The following CLCN2 variants were observed in gnomAD, a reference collection of about 807,000 sequenced individuals.
CLCN2 encodes chloride channel protein 2.
A neutral mutation model predicts 108.3 loss-of-function variants in CLCN2; 72 were observed. That is an observed-to-expected ratio of 0.66 (90% CI 0.55 to 0.81). The LOEUF (loss-of-function observed/expected upper bound fraction) is 0.81. CLCN2 is among the 30% of genes least tolerant of loss of function. The pLI is 0.00. For missense variants in CLCN2, 1,048 were observed against 1,205.2 expected (o/e 0.87, Z 1.93); for synonymous variants, 471 against 467.1 (o/e 1.01, Z -0.11).
At chr3:184,347,409 G>A in intron 22 of CLCN2, 2 of 350,258 alleles carry the variant, frequency 5.7e-6, no homozygotes, top group Non-Finnish European at 1.1e-5. Flanking sequence ...TGAGAACTAA[G>A]CATTAGGAGA....
Position 184,352,278 on chromosome 3 carries a change from C to T in CLCN2, c.2310+15G>A, listed in dbSNP as rs528699002. On this transcript the variant is annotated intron_variant, in intron 21 of 23. Coordinates refer to ENST00000265593, the MANE Select transcript of CLCN2 (RefSeq NM_004366.6). The stretch of plus-strand genomic sequence containing the variant: ...ACCAGGAAGAAACAGGGTCCAGAGT[C>T]CAGTGGCACCTTACCTCTTCAGGGC... 6.2e-6 allele frequency: 10 copies of T among 1,613,458 alleles called. No homozygotes were observed. The African/African-American group carries it at 1.2e-4, about 19-fold the overall frequency.
At chr3:184,358,540 G>T in intron 3 of CLCN2, 142 bp downstream of exon 3, 2 of 1,220,722 alleles carry the variant, frequency 1.6e-6, no homozygotes, top group Non-Finnish European at 1.2e-6. Context: ...CCGAGATGAT[G>T]CCTGAATCTG....
rs1471164411 is a variant in CLCN2, at chr3:184,355,510, A to G, written c.1190T>C (p.Leu397Pro). 6.2e-7 allele frequency: 1 copy of G among 1,614,144 alleles called. No individual in the cohort carries two copies. Among genetic ancestry groups the G allele is most frequent in the Admixed American group, 1.7e-5 (1 of 60,028 alleles). ...CGTCCGATTGTCAAACAGGGTGACC[A>G]GCGTCTCTTTCTGTGAGAGCTAGAG... ...MAGQLSQKET[L>P]VTLFDNRTWV... The change falls in exon 12 of 24, where the codon CTG (leucine) becomes CCG (proline). Residue 397 changes from leucine to proline, a missense_variant. Transcript: ENST00000265593. The surrounding 1 kb of genome is among the most constrained non-coding windows in gnomAD (Gnocchi z 6.3).
At position 184,358,958 on chromosome 3, in the gene CLCN2, C is replaced by T. The variant is rs780921084; in HGVS notation, c.220+17G>A. The T allele has an allele frequency of 1.7e-5, 27 of 1,613,462 alleles. No homozygotes were observed. The highest frequency in any genetic ancestry group is 5.3e-5 in the African/African-American group (4 of 74,940). On this transcript the variant is annotated intron_variant, in intron 2 of 23. Coordinates refer to ENST00000265593, the MANE Select transcript of CLCN2 (RefSeq NM_004366.6). The stretch of plus-strand genomic sequence containing the variant: ...GCACAGCACAGCCAGGTCCCCTGCC[C>T]CCACCCCAGTTCTCACCGCGGCATC...
At chr3:184,354,407 G>T in intron 14 of CLCN2, 93 bp from the exon 15 acceptor site, 1 of 1,379,246 alleles carries the variant, frequency 7.3e-7, no homozygotes, top group Non-Finnish European at 1.0e-6. Flanking sequence ...CCTCAGGGCT[G>T]CCCAATACAG....
At chr3:184,354,749 G>A (rs1728410396) in intron 13 of CLCN2, 91 bp from the exon 14 acceptor site, 1 of 1,306,612 alleles carries the variant, frequency 7.7e-7, no homozygotes, top group African/African-American at 1.5e-5. Flanking sequence ...TGAGGGAGGG[G>A]CCAACGGGTC....
rs1305533532 is a variant in CLCN2, at chr3:184,346,996, C to A, written c.2441G>T (p.Gly814Val). The A allele has an allele frequency of 6.2e-7, 1 of 1,613,924 alleles. No homozygotes were observed. The highest frequency in any genetic ancestry group is 8.5e-7 in the Non-Finnish European group (1 of 1,179,920). Residue 814 changes from glycine to valine, a missense_variant, in exon 23 of 24, where the codon GGA (glycine) becomes GTA (valine). Transcript: ENST00000265593. The surrounding 1 kb of genome is among the most constrained non-coding windows in gnomAD (Gnocchi z 6.0). ...HKTHTIFSLLGVDHAYVTSIG... is the reference protein window; with the variant it reads ...HKTHTIFSLLVVDHAYVTSIG... ...ACTGGTGACATAAGCATGGTCCACT[C>A]CCAGCAGTGAGAAGATAGTGTGAGT...
chr3:184,348,503 A>AAG (rs1297807962), intron 22 of CLCN2: 1 of 151,776 alleles, frequency 6.6e-6, no homozygotes, highest in African/African-American at 2.4e-5. Flanking sequence ...AAAAAAAAAA[A>AAG]AAAAAAGTTC....
Position 184,353,060 on chromosome 3 carries a change from T to C in CLCN2, c.2116A>G (p.Thr706Ala), listed in dbSNP as rs779724748. The change falls in exon 18 of 24, where the codon ACC (threonine) becomes GCC (alanine). Residue 706 changes from threonine (T) to alanine (A), a missense_variant. Coordinates refer to ENST00000265593, the MANE Select transcript of CLCN2 (RefSeq NM_004366.6). ...GTGGGACTCTCTCCGAGGTTCCTGG[T>C]GACACTGGGCCCCCTCTTGAGTGCA... Reference protein sequence around the residue: ...KPALKRGPSVTRNLGESPTGS... With the variant: ...KPALKRGPSVARNLGESPTGS... 1.2e-6 allele frequency: 2 copies of C among 1,614,152 alleles called. No homozygotes were observed. The highest frequency in any genetic ancestry group is 1.7e-6 in the Non-Finnish European group (2 of 1,180,016).
At chr3:184,351,714 C>T (rs1728108733) in intron 22 of CLCN2, among the ~76,000 whole-genome samples, 1 of 152,240 alleles carries the variant, frequency 6.6e-6, no homozygotes, top group African/African-American at 2.4e-5. Flanking sequence ...TGACCCTGGC[C>T]TGGCCTTCTG....
Position 184,346,537 on chromosome 3 carries a change from A to G in CLCN2, c.*69T>C. The G allele has an allele frequency of 6.4e-7, 1 of 1,574,768 alleles. No individual in the cohort carries two copies. The highest frequency in any genetic ancestry group is 1.3e-5 in the African/African-American group (1 of 74,370). ...CTGCCTCCTGCCTTCCGAAGGCAGA[A>G]GGAATGAAAGATGCACATTCTGGGC... On this transcript the variant is annotated 3_prime_UTR_variant, in exon 24 of 24. Transcript: ENST00000265593. The surrounding 1 kb of genome is among the most constrained non-coding windows in gnomAD (Gnocchi z 6.0).
intron 22 of CLCN2, chr3:184,347,327 C>G (rs908109899): frequency 2.3e-6 from 1 of 442,508 alleles, no homozygotes; most frequent in Non-Finnish European, 4.2e-6. Context: ...AACAACTGTT[C>G]ACACGTGAAA....
chr3:184,352,840 G>A (rs1451729900), intron 18 of CLCN2, 30 bp from the exon 19 acceptor site: 7 of 1,611,140 alleles, frequency 4.3e-6, no homozygotes, highest in African/African-American at 2.7e-5. Flanking sequence ...GCCCCAGGGG[G>A]CAATGTCATC....
rs746281475 is a variant in CLCN2 at position 184,353,426 on chromosome 3, G to A, written c.1856-4C>T. The A allele has an allele frequency of 6.2e-7, 1 of 1,603,404 alleles. No homozygotes were observed. The highest frequency in any genetic ancestry group is 8.5e-7 in the Non-Finnish European group (1 of 1,174,790). On this transcript the variant is annotated splice_region_variant and splice_polypyrimidine_tract_variant and intron_variant, in intron 16 of 23. Transcript: ENST00000265593. ...GAGCCCAGCAGAATCATGGACTCTG[G>A]ACAGAACAGGTGGAAGGACTCAGGA...
Position 184,346,617 on chromosome 3 carries a change from T to G in CLCN2, c.2686A>C (p.Lys896Gln). The G allele has an allele frequency of 6.2e-7, 1 of 1,614,022 alleles. No individual in the cohort carries two copies. Among genetic ancestry groups the G allele is most frequent in the Non-Finnish European group, 8.5e-7 (1 of 1,180,028 alleles). The change falls in exon 24 of 24, where the codon AAA becomes CAA. Residue 896 changes from lysine to glutamine, a missense_variant. Transcript: ENST00000265593. This position sits in a 1 kb window ranked among gnomAD's most constrained non-coding sequence, Gnocchi z 6.0. ...REGSPSDSDD[K>Q]CQ ...CACCCACGAGGGGCTCATTGGCATTTGTCGTCGCTGTCGGAAGGGCTGCCC... is the reference window on the plus strand; with the variant it reads ...CACCCACGAGGGGCTCATTGGCATTGGTCGTCGCTGTCGGAAGGGCTGCCC...
intron 10 of CLCN2, chr3:184,356,717 G>A (rs891816290): frequency 8.2e-6 from 4 of 489,762 alleles, no homozygotes; most frequent in Non-Finnish European, 7.4e-6. Flanking sequence ...ACTCTCCAGG[G>A]AGCATTCCTA....
rs759950295 is a variant in CLCN2 at position 184,357,797 on chromosome 3, G to A, written c.675C>T (p.Leu225=). The change falls in exon 6 of 24, where the codon CTC becomes CTT. Residue 225 remains leucine (L), a synonymous_variant. Coordinates refer to ENST00000265593, the MANE Select transcript of CLCN2 (RefSeq NM_004366.6). ...CAALLSKFLS[L]FGGIYENESR... is the part of the protein sequence containing the mutation. ...CCCTTACCTCATAGATACCCCCAAA[G>A]AGGGAGAGGAACTTGCTGAGAAGGG... is the stretch of plus-strand genomic sequence containing the variant. 13 of 1,614,026 alleles carry A rather than the reference G, an allele frequency of 8.1e-6. No individual in the cohort carries two copies. The highest frequency in any genetic ancestry group is 1.7e-5 in the Admixed American group (1 of 60,022).
Position 184,359,026 on chromosome 3 carries a change from C to T in CLCN2, c.169G>A (p.Ala57Thr), listed in dbSNP as rs1560267812. Residue 57 changes from alanine to threonine, a missense_variant, in exon 2 of 24, where the codon GCT (alanine) becomes ACT (threonine). Ala to Thr is a moderately conservative substitution (Grantham distance 58). Transcript: ENST00000265593. ...CCATATTCCAAGAGCTCTGGGGCAGCCCGAGAGGAAGGGGGACCTTTCCAG... is the reference window on the plus strand; with the variant it reads ...CCATATTCCAAGAGCTCTGGGGCAGTCCGAGAGGAAGGGGGACCTTTCCAG... ...EPWKGPPSSR[A>T]APELLEYGRS... 6.2e-7 allele frequency: 1 copy of T among 1,613,538 alleles called. No individual in the cohort carries two copies. The highest frequency in any genetic ancestry group is 1.7e-5 in the Admixed American group (1 of 60,014).
At chr3:184,360,742 C>T (rs1324923131) in intron 1 of CLCN2, among the ~76,000 whole-genome samples, 1 of 152,176 alleles carries the variant, frequency 6.6e-6, no homozygotes, top group African/African-American at 2.4e-5. Context: ...AGCCCAGGAC[C>T]CCTGCTTCTA....
Sources: allele counts gnomAD v4.1 joint callset (sites outside exome capture counted in the v4.1 genomes callset), GRCh38; gene constraint gnomAD v4.1.1; non-coding constraint Gnocchi (gnomAD v3.1); transcripts MANE v1.5; gene names NCBI Gene and HGNC (gene_info 2026-07-23, HGNC 2026-07-21).